STIL: variants seen among roughly 807,000 people sequenced by gnomAD.
STIL encodes STIL centriolar assembly protein.
In STIL, 55 loss-of-function variants were observed where a neutral mutation model predicts 110.1. That is an observed-to-expected ratio of 0.50 (90% confidence interval 0.40 to 0.63). The LOEUF (loss-of-function observed/expected upper bound fraction) is 0.63, where lower values mean the gene tolerates loss of function less well. Ranked by LOEUF, STIL falls within the 20% of genes least tolerant of loss-of-function variation. The probability of loss-of-function intolerance (pLI) is 0.00; values close to 1 mark genes in which losing one functional copy is unlikely to be tolerated. For missense variants in STIL, 1,358 were observed against 1,530.0 expected, an observed-to-expected ratio of 0.89 and a Z score of 1.87; for synonymous variants, 481 against 530.0, an observed-to-expected ratio of 0.91 and a Z score of 1.27.
Position 47,280,773 on chromosome 1 carries a change from T to G in STIL, c.1685A>C (p.Gln562Pro), listed in dbSNP as rs1411643201. Reference protein sequence around the residue: ...PIRPSTLNSRQSSLAPQSQPH... With the variant: ...PIRPSTLNSRPSSLAPQSQPH... ...TTGGGACTGCGGGGCAAGAGAAGAC[T>G]GCCTAGAATTAAGTGTGGAGGGTCT... The change falls in exon 12 of 17, where the codon CAG becomes CCG. Residue 562 changes from glutamine to proline, a missense_variant. By Grantham distance (76) the Gln-to-Pro change is moderately conservative. Transcript: ENST00000371877. 6.2e-7 allele frequency: 1 copy of G among 1,613,946 alleles called. No individual in the cohort carries two copies. Among genetic ancestry groups the G allele is most frequent in the South Asian group, 1.1e-5 (1 of 91,064 alleles).
rs1233759092 is a variant in STIL at position 47,269,726 on chromosome 1, C to G, written c.2524G>C (p.Ala842Pro). The G allele has an allele frequency of 6.2e-7, 1 of 1,614,152 alleles. No homozygotes were observed. The highest frequency in any genetic ancestry group is 1.7e-5 in the Admixed American group (1 of 60,010). Residue 842 changes from alanine (A) to proline (P), a missense_variant, in exon 14 of 17, where the codon GCA becomes CCA. Ala to Pro is a conservative substitution (Grantham distance 27, BLOSUM62 -1). Transcript: ENST00000371877. ...ATATCAACTGCTTTTAATGAAGATGCACTACCTGGAAGACTTGTGACTTCA... is the reference window on the plus strand; with the variant it reads ...ATATCAACTGCTTTTAATGAAGATGGACTACCTGGAAGACTTGTGACTTCA... ...NNEVTSLPGS[A>P]SSLKAVDIPS...
At chr1:47,258,199 C>T (rs1214779154) in intron 16 of STIL, among the ~76,000 whole-genome samples, 2 of 152,178 alleles carry the variant, frequency 1.3e-5, no homozygotes, top group African/African-American at 4.8e-5. Context: ...CTCTATCTTG[C>T]AACATGGATA....
chr1:47,308,678 A>T (rs1024132045), intron 2 of STIL, among the ~76,000 whole-genome samples: 1 of 152,122 alleles, frequency 6.6e-6, no homozygotes, highest in African/African-American at 2.4e-5. Context: ...AAAACCAGAA[A>T]GAATGATTAA....
intron 2 of STIL, among the ~76,000 whole-genome samples, chr1:47,307,172 T>G (rs2149251008): frequency 6.6e-6 from 1 of 152,082 alleles, no homozygotes; most frequent in Non-Finnish European, 1.5e-5. Flanking sequence ...AAACAAAAAA[T>G]TAGCTGGACA....
intron 11 of STIL, 29 bp downstream of exon 11, chr1:47,282,316 A>G: frequency 6.9e-7 from 1 of 1,459,460 alleles, no homozygotes; most frequent in Non-Finnish European, 9.6e-7. Context: ...CTAACCACAA[A>G]AGTGAATGCA....
chr1:47,263,538 T>C (rs530693064), intron 14 of STIL, among the ~76,000 whole-genome samples: 1 of 152,230 alleles, frequency 6.6e-6, no homozygotes, highest in African/African-American at 2.4e-5. Flanking sequence ...CAAGACCCTA[T>C]TTCTATAAGA....
At chr1:47,270,360 C>G (rs1345560536) in intron 13 of STIL, among the ~76,000 whole-genome samples, 3 of 150,498 alleles carry the variant, frequency 2.0e-5, no homozygotes, top group Non-Finnish European at 4.4e-5. Flanking sequence ...AGGTGGAAGA[C>G]AGAAAGACAA....
At chr1:47,269,311 C>T (rs1256177090) in intron 14 of STIL, among the ~76,000 whole-genome samples, 1 of 151,646 alleles carries the variant, frequency 6.6e-6, no homozygotes, top group African/African-American at 2.4e-5. Flanking sequence ...AAAGAAAATA[C>T]CAGTTAGAAA....
intron 7 of STIL, among the ~76,000 whole-genome samples, chr1:47,294,872 A>C (rs189444647): frequency 6.6e-6 from 1 of 152,274 alleles, no homozygotes; most frequent in East Asian, 1.9e-4. Context: ...GAGAATACTG[A>C]AGAAACAGGG....
At chr1:47,279,634 CAGG>C (rs1645093569) in intron 12 of STIL, among the ~76,000 whole-genome samples, 1 of 148,516 alleles carries the variant, frequency 6.7e-6, no homozygotes, top group Non-Finnish European at 1.5e-5. Flanking sequence ...AGGGCTGAGG[CAGG>C]AAGATCACTT....
At chr1:47,298,660 AAAGAAT>A (rs1437843079) in intron 6 of STIL, among the ~76,000 whole-genome samples, 4 of 152,156 alleles carry the variant, frequency 2.6e-5, no homozygotes, top group African/African-American at 9.6e-5. Context: ...AATAAAATAC[AAAGAAT>A]AATACAGAAT....
chr1:47,277,735 C>T (rs1645033733), intron 12 of STIL, among the ~76,000 whole-genome samples: 1 of 151,940 alleles, frequency 6.6e-6, no homozygotes, highest in African/African-American at 2.4e-5. Context: ...TAATAGTTAA[C>T]ATATACTGAG....
At chr1:47,306,550 G>A (rs3122607) in intron 2 of STIL, among the ~76,000 whole-genome samples, 87,514 of 152,094 alleles carry the variant, frequency 0.58, 27,316 homozygotes, top group African/African-American at 0.83. Context: ...CATGGCTCCT[G>A]GCCTAAAATC....
chr1:47,290,657 C>T (rs1298316026), intron 8 of STIL, among the ~76,000 whole-genome samples: 1 of 150,042 alleles, frequency 6.7e-6, no homozygotes, highest in African/African-American at 2.5e-5. Flanking sequence ...GAGCCGAGAT[C>T]GCGCCACAGC....
chr1:47,273,784 T>A (rs1485688673), intron 12 of STIL, among the ~76,000 whole-genome samples: 2 of 152,220 alleles, frequency 1.3e-5, no homozygotes, highest in African/African-American at 4.8e-5. Context: ...ACTACTGTGC[T>A]CAATATAATT....
intron 13 of STIL, among the ~76,000 whole-genome samples, chr1:47,271,149 G>T (rs1401097226): frequency 2.0e-5 from 3 of 151,992 alleles, no homozygotes; most frequent in Non-Finnish European, 4.4e-5. Context: ...TATTGGAAAA[G>T]ATATATTTAC....
chr1:47,280,852 C>G lies in STIL; in HGVS notation c.1606G>C (p.Glu536Gln). ...SHNGPSHDIFEKLQTVSAGNV... is the reference protein window; with the variant it reads ...SHNGPSHDIFQKLQTVSAGNV... Reference sequence around the variant, plus strand: ...CCAGCAGAAACTGTTTGGAGCTTTTCAAATATATCATGAGATGGCCCATTA... The same window carrying G: ...CCAGCAGAAACTGTTTGGAGCTTTTGAAATATATCATGAGATGGCCCATTA... The change falls in exon 12 of 17, where the codon GAA becomes CAA. Residue 536 changes from glutamate (E) to glutamine (Q), a missense_variant. By Grantham distance (29) the Glu-to-Gln change is conservative. Coordinates refer to ENST00000371877, the MANE Select transcript of STIL (RefSeq NM_001048166.1). 6.2e-7 allele frequency: 1 copy of G among 1,614,140 alleles called. No individual in the cohort carries two copies. The highest frequency in any genetic ancestry group is 8.5e-7 in the Non-Finnish European group (1 of 1,180,028).
In STIL at chr1:47,307,095, G is replaced by A. The variant is rs575955448; in HGVS notation, c.45-2099C>T. 2.0e-5 allele frequency among the ~76,000 whole-genome samples: 3 copies of A among 152,340 alleles called. No homozygotes were observed. The South Asian group carries it at 6.2e-4, about 32-fold the overall frequency. On this transcript the variant is annotated intron_variant, in intron 2 of 16. Transcript: ENST00000371877. ...GAACCCAGGGGGAAGAGGTTTCAGT[G>A]AGCCAAGATCACGCCACCCCACTAC...
intron 3 of STIL, among the ~76,000 whole-genome samples, chr1:47,303,928 T>G (rs77781644): frequency 1.3e-5 from 2 of 152,212 alleles, no homozygotes; most frequent in Admixed American, 6.5e-5. Context: ...GTCCTTATAA[T>G]GTATAATAGA....
Sources: gnomAD v4.1 joint callset for allele counts (sites outside exome capture counted in the v4.1 genomes callset) on GRCh38, gnomAD v4.1.1 for gene constraint, MANE v1.5 for transcripts, NCBI Gene and HGNC (gene_info 2026-07-23, HGNC 2026-07-21) for gene names.